The following TDRP variants were observed in gnomAD, a reference collection of about 807,000 sequenced individuals.
TDRP encodes the protein testis development-related protein.
Under a neutral mutation model 10.5 loss-of-function variants are expected in TDRP, and 12 were observed. The observed-to-expected ratio is 1.15, with a 90% CI of 0.73 to 1.86. TDRP has a LOEUF of 1.86. Among genes scored for constraint, TDRP ranks in the 40% most tolerant of loss-of-function variants. The probability of loss-of-function intolerance (pLI) is 0.00; values close to 1 mark genes in which losing one functional copy is unlikely to be tolerated. For missense variants in TDRP, 353 were observed against 229.2 expected (o/e 1.54, Z -3.49); for synonymous variants, 139 against 95.4 (o/e 1.46, Z -2.67).
intron 1 of TDRP, among the ~76,000 whole-genome samples, chr8:518,609 C>T (rs2121885): frequency 0.52 from 78,540 of 151,304 alleles, 21,121 homozygotes; most frequent in Admixed American, 0.61. Flanking sequence ...AGGATCTTTT[C>T]TTCACAGCAA....
intron 1 of TDRP, among the ~76,000 whole-genome samples, chr8:496,865 T>C (rs1563116115): frequency 6.6e-6 from 1 of 152,232 alleles, no homozygotes; most frequent in Non-Finnish European, 1.5e-5. Context: ...GTGTGGCACC[T>C]GTCTTTTCTC....
chr8:529,019 A>G (rs1802112001), intron 1 of TDRP, among the ~76,000 whole-genome samples: 2 of 152,132 alleles, frequency 1.3e-5, no homozygotes, highest in Admixed American at 1.3e-4. Context: ...CACAGGAGAA[A>G]GATATAGGCT....
chr8:515,647 G>A (rs911502194), intron 1 of TDRP, among the ~76,000 whole-genome samples: 5 of 152,176 alleles, frequency 3.3e-5, no homozygotes, highest in African/African-American at 9.7e-5. Context: ...ACTGATGTCA[G>A]GAAGAGGATT....
rs542001962 is a variant in TDRP at position 491,551 on chromosome 8, G to A, written c.*848C>T. ...TCGCTTTGCAAGAACAAACATATGA[G>A]CCTAATAAAAAAGAGGCACTTCAGT... On this transcript the variant is annotated 3_prime_UTR_variant, in exon 3 of 3. Coordinates refer to ENST00000324079, the MANE Select transcript of TDRP (RefSeq NM_001384899.1). The A allele has an allele frequency of 1.4e-6, 2 of 1,440,106 alleles. No homozygotes were observed. The highest frequency in any genetic ancestry group is 1.4e-5 in the South Asian group (1 of 72,790). The allele number at this position is 1,440,106 out of a possible 1,614,324, so 89.2% of individuals were successfully genotyped here. A position where few individuals can be genotyped will look rare whatever the true frequency, so the allele number is the denominator to read the frequency against.
chr8:540,402 AT>A (rs58247679), intron 1 of TDRP, among the ~76,000 whole-genome samples: 220 of 152,368 alleles, frequency 1.4e-3, no homozygotes, highest in African/African-American at 5.0e-3. Flanking sequence ...ACACCTATGT[AT>A]CTGCATAAAT....
At chr8:509,106 C>T (rs1801542404) in intron 1 of TDRP, among the ~76,000 whole-genome samples, 1 of 152,250 alleles carries the variant, frequency 6.6e-6, no homozygotes, top group South Asian at 2.1e-4. Context: ...GCAGCTCCAC[C>T]CCTGTGGCTT....
chr8:517,508 T>C (rs565917644), intron 1 of TDRP, among the ~76,000 whole-genome samples: 1 of 152,262 alleles, frequency 6.6e-6, no homozygotes, highest in East Asian at 1.9e-4. Context: ...ACCCCAAGCA[T>C]TCCATTCCTT....
chr8:539,243 C>G (rs1802428558), intron 1 of TDRP, among the ~76,000 whole-genome samples: 1 of 152,038 alleles, frequency 6.6e-6, no homozygotes, highest in Non-Finnish European at 1.5e-5. Flanking sequence ...GGGGCCGGCA[C>G]GATGGGATGA....
chr8:501,858 G>A lies in TDRP; in HGVS notation c.109-7261C>T, dbSNP rs59085369. On this transcript the variant is annotated intron_variant, in intron 1 of 2. Coordinates refer to ENST00000324079, the MANE Select transcript of TDRP (RefSeq NM_001384899.1). ...CTGCAGTCATGGGCCCAGAAATACA[G>A]CTCTTTGTGAAGATGAGGGGAACAT... Among the ~76,000 whole-genome samples the A allele has an allele frequency of 1.3e-4, 20 of 152,270 alleles. No homozygotes were observed. The East Asian group carries it at 3.3e-3, about 25-fold the overall frequency.
chr8:511,675 G>A (rs997933932), intron 1 of TDRP, among the ~76,000 whole-genome samples: 1 of 152,140 alleles, frequency 6.6e-6, no homozygotes, highest in Admixed American at 6.6e-5. Context: ...CAGTCTTCAG[G>A]ACAGATCATA....
At chr8:527,838 A>C (rs1802073652) in intron 1 of TDRP, among the ~76,000 whole-genome samples, 1 of 152,198 alleles carries the variant, frequency 6.6e-6, no homozygotes, top group Non-Finnish European at 1.5e-5. Context: ...GAAACTCTCC[A>C]GGACATTGGA....
intron 1 of TDRP, among the ~76,000 whole-genome samples, chr8:502,970 T>A (rs1801346153): frequency 6.6e-6 from 1 of 150,532 alleles, no homozygotes; most frequent in Non-Finnish European, 1.5e-5. Flanking sequence ...AATGCCCATC[T>A]CAGCACACGT....
chr8:525,688 T>C (rs1579918), intron 1 of TDRP, among the ~76,000 whole-genome samples: 86,345 of 151,702 alleles, frequency 0.57, 25,517 homozygotes, highest in Admixed American at 0.66. Flanking sequence ...AAACATACAA[T>C]GGATACACAA....
intron 1 of TDRP, among the ~76,000 whole-genome samples, chr8:496,123 C>A (rs1242800637): frequency 6.6e-6 from 1 of 152,198 alleles, no homozygotes; most frequent in African/African-American, 2.4e-5. Context: ...TGCACAAAAA[C>A]CTACCAAAGA....
In TDRP at chr8:494,565, T is replaced by G; in HGVS notation, c.141A>C (p.Glu47Asp). The change falls in exon 2 of 3, where the codon GAA becomes GAC. Residue 47 changes from glutamate (E) to aspartate (D), a missense_variant. Transcript: ENST00000324079. ...VQGASFRGWK[E>D]VTSLFNKDDE... ...CATCTTTGTTAAACAGTGAAGTCAC[T>G]TCTTTCCAACCTCGGAAACTTGCTC... 6.2e-7 allele frequency: 1 copy of G among 1,613,984 alleles called. No homozygotes were observed. The highest frequency in any genetic ancestry group is 1.1e-5 in the South Asian group (1 of 91,080).
intron 1 of TDRP, among the ~76,000 whole-genome samples, chr8:536,672 T>G (rs1802354746): frequency 6.6e-6 from 1 of 152,238 alleles, no homozygotes; most frequent in Non-Finnish European, 1.5e-5. Context: ...TGATGTAATA[T>G]GCTGAATATA....
chr8:541,437 C>T (rs935125237), intron 1 of TDRP, among the ~76,000 whole-genome samples: 6 of 152,188 alleles, frequency 3.9e-5, no homozygotes, highest in African/African-American at 1.4e-4. Context: ...TTAAAAACTT[C>T]TGCTCTGAAA....
intron 1 of TDRP, among the ~76,000 whole-genome samples, chr8:530,914 TC>T (rs1802174377): frequency 6.6e-6 from 1 of 152,144 alleles, no homozygotes; most frequent in South Asian, 2.1e-4. Context: ...CCGACCTCCA[TC>T]CGCAGCACTG....
chr8:536,333 T>A (rs17065122), intron 1 of TDRP, among the ~76,000 whole-genome samples: 1 of 152,208 alleles, frequency 6.6e-6, no homozygotes, highest in African/African-American at 2.4e-5. Context: ...AGCTGTGCTT[T>A]CCAAATCAGT....
Sources: gnomAD v4.1 joint callset for allele counts (sites outside exome capture counted in the v4.1 genomes callset) on GRCh38, gnomAD v4.1.1 for gene constraint, MANE v1.5 for transcripts, NCBI Gene and HGNC (gene_info 2026-07-23, HGNC 2026-07-21) for gene names.